Variants in SNX29 observed in about 807,000 individuals in gnomAD.
The protein encoded by SNX29 is sorting nexin-29.
Under a neutral mutation model 102.1 loss-of-function variants are expected in SNX29, and 78 were observed. The ratio of observed to expected loss-of-function variants is 0.76; its 90% CI spans 0.64 to 0.92. SNX29 has a LOEUF of 0.92. SNX29 is among the 40% of genes least tolerant of loss of function. SNX29 has a pLI of 0.00. For synonymous variants in SNX29, 580 were observed against 414.5 expected (o/e 1.40, Z -4.85); for missense variants, 1,280 against 1,061.7 (o/e 1.21, Z -2.86).
At chr16:12,473,113 C>G (rs988600156) in intron 18 of SNX29, among the ~76,000 whole-genome samples, 1 of 151,980 alleles carries the variant, frequency 6.6e-6, no homozygotes, top group African/African-American at 2.4e-5. Flanking sequence ...AAATAACAAA[C>G]AAAACAAAAA....
At chr16:12,329,276 CAAAAA>C (rs55968518) in intron 15 of SNX29, among the ~76,000 whole-genome samples, 2 of 88,846 alleles carry the variant, frequency 2.3e-5, no homozygotes, top group Admixed American at 1.5e-4. Context: ...GACCTTGTCT[CAAAAA>C]AAAAAAAAAA....
chr16:12,192,881 T>G (rs830712), intron 13 of SNX29, among the ~76,000 whole-genome samples: 41,307 of 152,002 alleles, frequency 0.27, 7,416 homozygotes, highest in Non-Finnish European at 0.41. Context: ...TTTGTATATT[T>G]AGTAGAGGCA....
chr16:11,994,771 C>G (rs1474391834), intron 1 of SNX29, among the ~76,000 whole-genome samples: 1 of 152,178 alleles, frequency 6.6e-6, no homozygotes, highest in African/African-American at 2.4e-5. Flanking sequence ...AGGTGCTGTA[C>G]TCTCCACTGG....
intron 17 of SNX29, among the ~76,000 whole-genome samples, chr16:12,400,963 C>T (rs1235041044): frequency 6.6e-6 from 1 of 152,168 alleles, no homozygotes; most frequent in African/African-American, 2.4e-5. Context: ...GCTGGGATTA[C>T]AGGTGCCTGC....
chr16:12,565,484 C>G (rs994256044), intron 20 of SNX29, among the ~76,000 whole-genome samples: 3 of 152,182 alleles, frequency 2.0e-5, no homozygotes, highest in Admixed American at 6.5e-5. Flanking sequence ...TCACAGCACC[C>G]CTGCCTCCAA....
chr16:12,343,107 AG>A (rs2081663189), intron 15 of SNX29, among the ~76,000 whole-genome samples: 1 of 152,220 alleles, frequency 6.6e-6, no homozygotes, highest in East Asian at 1.9e-4. Context: ...AATATTCAGG[AG>A]GTCTCTGTGT....
chr16:12,251,576 G>A (rs546881482), intron 14 of SNX29, among the ~76,000 whole-genome samples: 12 of 152,082 alleles, frequency 7.9e-5, no homozygotes, highest in African/African-American at 1.9e-4. Context: ...GGTGGCACGC[G>A]CCTGTAGTCC....
At chr16:12,566,375 C>CA (rs1451428170) in intron 20 of SNX29, among the ~76,000 whole-genome samples, 1 of 151,944 alleles carries the variant, frequency 6.6e-6, no homozygotes, top group Non-Finnish European at 1.5e-5. Context: ...TCCCAACCAA[C>CA]AAGGCACTGG....
At chr16:12,047,375 T>G (rs970996742) in intron 6 of SNX29, among the ~76,000 whole-genome samples, 2 of 152,200 alleles carry the variant, frequency 1.3e-5, no homozygotes, top group African/African-American at 4.8e-5. Context: ...AAATTTATAC[T>G]AAATCTCAAA....
chr16:12,378,686 G>A (rs2082967260), intron 16 of SNX29, among the ~76,000 whole-genome samples: 1 of 152,130 alleles, frequency 6.6e-6, no homozygotes, highest in Admixed American at 6.5e-5. Flanking sequence ...GGTTTGGAGG[G>A]AGCAGGCATG....
At chr16:12,044,166 A>T (rs2049996769) in intron 5 of SNX29, among the ~76,000 whole-genome samples, 1 of 152,178 alleles carries the variant, frequency 6.6e-6, no homozygotes, top group Admixed American at 6.5e-5. Context: ...TAACTTCCCC[A>T]TCAGCAACGC....
At position 12,057,979 on chromosome 16, in the gene SNX29, G is replaced by A. The variant is rs1223874639; in HGVS notation, c.1125-3549G>A. Among the ~76,000 whole-genome samples the A allele has an allele frequency of 4.6e-5, 7 of 151,746 alleles. No individual in the cohort carries two copies. The East Asian group carries it at 9.7e-4, about 21-fold the overall frequency. On this transcript the variant is annotated intron_variant, in intron 8 of 20. Transcript: ENST00000566228. The stretch of plus-strand genomic sequence containing the variant: ...ATTATAGGTGACCACCACCACTCCC[G>A]GTTAATTTTTTGTATTTTTAGTAGA...
intron 19 of SNX29, among the ~76,000 whole-genome samples, chr16:12,509,628 T>C (rs1292088239): frequency 6.6e-6 from 1 of 152,140 alleles, no homozygotes; most frequent in African/African-American, 2.4e-5. Flanking sequence ...GATACAAAAA[T>C]GTGAGTGAAA....
At chr16:12,126,496 A>T (rs2054219512) in intron 11 of SNX29, 137 bp from the exon 12 acceptor site, 1 of 837,156 alleles carries the variant, frequency 1.2e-6, no homozygotes, top group Non-Finnish European at 1.9e-6. Context: ...TTAGACTGTT[A>T]TAGGAGTTAT....
intron 14 of SNX29, among the ~76,000 whole-genome samples, chr16:12,211,318 G>A (rs1371696459): frequency 1.3e-5 from 2 of 152,156 alleles, no homozygotes; most frequent in Non-Finnish European, 2.9e-5. Context: ...TTCCCACAAG[G>A]CCTTGTAACC....
intron 18 of SNX29, among the ~76,000 whole-genome samples, chr16:12,404,872 G>C (rs1414517733): frequency 6.6e-6 from 1 of 152,144 alleles, no homozygotes; most frequent in African/African-American, 2.4e-5. Flanking sequence ...CTTGGTCTCA[G>C]GTCTAAGCAT....
intron 18 of SNX29, among the ~76,000 whole-genome samples, chr16:12,404,559 C>A (rs751976032): frequency 8.5e-5 from 13 of 152,072 alleles, no homozygotes; most frequent in Non-Finnish European, 1.8e-4. Context: ...TTGTTTTATT[C>A]CCCATGAGCT....
chr16:12,242,020 T>G (rs1266189627), intron 14 of SNX29, among the ~76,000 whole-genome samples: 1 of 152,100 alleles, frequency 6.6e-6, no homozygotes, highest in Non-Finnish European at 1.5e-5. Flanking sequence ...TGCCCAGCTC[T>G]GAGTGGCCAG....
At chr16:12,314,339 A>G (rs994913836) in intron 15 of SNX29, among the ~76,000 whole-genome samples, 1 of 152,246 alleles carries the variant, frequency 6.6e-6, no homozygotes, top group African/African-American at 2.4e-5. Flanking sequence ...TGGTCTGCAG[A>G]TGTAACATAT....
Sources: allele counts gnomAD v4.1 joint callset (sites outside exome capture counted in the v4.1 genomes callset), GRCh38; gene constraint gnomAD v4.1.1; transcripts MANE v1.5; gene names NCBI Gene and HGNC (gene_info 2026-07-23, HGNC 2026-07-21).